ZNF469: variants seen among roughly 807,000 people sequenced by gnomAD.
ZNF469 encodes zinc finger protein 469.
ZNF469 carries 1 observed loss-of-function variant against 1.0 expected under a neutral mutation model. That is an observed-to-expected ratio of 1.00 (90% confidence interval 0.35 to 4.73). ZNF469 has a LOEUF of 4.73. Ranked by LOEUF, ZNF469 falls within the 30% of genes most tolerant of loss-of-function variation. The probability of loss-of-function intolerance (pLI) is 0.16; values close to 1 mark genes in which losing one functional copy is unlikely to be tolerated. For missense variants in ZNF469, 6,100 were observed against 5,356.3 expected (o/e 1.14, Z -4.33); for synonymous variants, 2,703 against 2,363.4 (o/e 1.14, Z -4.17).
At chr16:88,175,615 T>C in the ZNF469 span, among the ~76,000 whole-genome samples, 3 of 152,188 alleles carry the variant, frequency 2.0e-5, no homozygotes, top group Non-Finnish European at 4.4e-5. Flanking sequence ...AAGAAATCAC[T>C]AAGAAAATTA....
At chr16:88,326,024 G>T in the ZNF469 span, among the ~76,000 whole-genome samples, 2 of 152,244 alleles carry the variant, frequency 1.3e-5, no homozygotes, top group African/African-American at 2.4e-5. Flanking sequence ...CTCCCAGCCA[G>T]TGTGATCCTG....
the ZNF469 span, among the ~76,000 whole-genome samples, chr16:88,208,775 G>GCACACACACACA: frequency 6.3e-5 from 3 of 47,438 alleles, no homozygotes; most frequent in Non-Finnish European, 1.3e-4. Context: ...ATGCGCGTGC[G>GCACACACACACA]CGCGCACACA....
chr16:88,116,297 C>A, the ZNF469 span, among the ~76,000 whole-genome samples: 1 of 152,156 alleles, frequency 6.6e-6, no homozygotes, highest in Non-Finnish European at 1.5e-5. Context: ...TGAGGACGGC[C>A]AGCACAGAAC....
At chr16:88,170,777 C>T in the ZNF469 span, among the ~76,000 whole-genome samples, 2 of 152,160 alleles carry the variant, frequency 1.3e-5, no homozygotes, top group Admixed American at 1.3e-4. The surrounding 1 kb of genome is among the most constrained non-coding windows in gnomAD (Gnocchi z 4.2). Flanking sequence ...TGCATAGGTA[C>T]CCGTTGATGG....
At chr16:88,106,894 G>A in the ZNF469 span, among the ~76,000 whole-genome samples, 2 of 150,898 alleles carry the variant, frequency 1.3e-5, no homozygotes, top group South Asian at 4.1e-4. Flanking sequence ...TGGCAGCAAC[G>A]CCAGCCTCTC....
At chr16:88,363,056 CT>C in the ZNF469 span, among the ~76,000 whole-genome samples, 1 of 152,030 alleles carries the variant, frequency 6.6e-6, no homozygotes, top group Admixed American at 6.6e-5. Context: ...TACTTGTTTC[CT>C]TTTTATAGTT....
the ZNF469 span, among the ~76,000 whole-genome samples, chr16:88,266,507 A>G: frequency 6.6e-6 from 1 of 152,214 alleles, no homozygotes; most frequent in South Asian, 2.1e-4. Flanking sequence ...GTAGAGGCGA[A>G]TTTCCAAGTT....
chr16:88,267,115 C>T, the ZNF469 span, among the ~76,000 whole-genome samples: 2 of 152,316 alleles, frequency 1.3e-5, no homozygotes, highest in East Asian at 1.9e-4. Flanking sequence ...CCCTGCGGCT[C>T]ACACTGGCTG....
chr16:88,167,223 G>A, the ZNF469 span, among the ~76,000 whole-genome samples: 14 of 151,920 alleles, frequency 9.2e-5, no homozygotes, highest in Non-Finnish European at 1.9e-4. Context: ...CACCGTGCCC[G>A]GCTAATTTTT....
At position 88,430,573 on chromosome 16, in the gene ZNF469, G is replaced by T. The variant is rs941459001; in HGVS notation, c.3103G>T (p.Asp1035Tyr). ...GCGCCGCCGGCTGCCCCCCAGGAAG[G>T]ACCCCAGGAAGAGGAAGGCTCGGGG... is the stretch of plus-strand genomic sequence containing the variant. ...SRRRRLPPRK[D>Y]PRKRKARGGA... Residue 1035 changes from aspartate (D) to tyrosine (Y), a missense_variant, in exon 3 of 3, where the codon GAC (aspartate) becomes TAC (tyrosine). Physicochemically the swap from Asp to Tyr is radical, Grantham distance 160 (BLOSUM62 -3). Coordinates refer to ENST00000565624, the MANE Select transcript of ZNF469 (RefSeq NM_001367624.2). 4 of 1,492,600 alleles carry T rather than the reference G, an allele frequency of 2.7e-6. No individual in the cohort carries two copies. The highest frequency in any genetic ancestry group is 2.9e-5 in the African/African-American group (2 of 68,636). 92.5% of individuals were successfully genotyped at this position (1,492,600 alleles called of 1,614,324 possible). A position where few individuals can be genotyped will look rare whatever the true frequency, so the allele number is the denominator to read the frequency against.
At chr16:88,247,540 ATGAG>A in the ZNF469 span, among the ~76,000 whole-genome samples, 4 of 107,094 alleles carry the variant, frequency 3.7e-5, no homozygotes, top group African/African-American at 5.5e-5. Context: ...GAGTGAGTGA[ATGAG>A]TGAATGAATG....
chr16:88,163,725 G>A, the ZNF469 span, among the ~76,000 whole-genome samples: 1 of 151,470 alleles, frequency 6.6e-6, no homozygotes, highest in Non-Finnish European at 1.5e-5. Context: ...GAATGGATGG[G>A]TGGATAGATG....
the ZNF469 span, among the ~76,000 whole-genome samples, chr16:88,364,171 T>A: frequency 6.6e-6 from 1 of 152,188 alleles, no homozygotes; most frequent in South Asian, 2.1e-4. Context: ...TTAAGCAGGG[T>A]TCAACATTCA....
the ZNF469 span, among the ~76,000 whole-genome samples, chr16:88,241,994 C>T: frequency 1.6e-4 from 24 of 152,298 alleles, 1 homozygote; most frequent in Admixed American, 1.3e-3. The surrounding 1 kb of genome is among the most constrained non-coding windows in gnomAD (Gnocchi z 4.8). Context: ...GAAGGGGGTT[C>T]ATGCCGTACC....
At chr16:88,317,781 C>A in the ZNF469 span, among the ~76,000 whole-genome samples, 3 of 152,212 alleles carry the variant, frequency 2.0e-5, no homozygotes, top group Non-Finnish European at 4.4e-5. Context: ...CAGGAACCTT[C>A]CAGAAATTCC....
At chr16:88,380,060 TACTC>T (rs377631354), upstream of ZNF469, among the ~76,000 whole-genome samples, 74 of 151,502 alleles carry the variant, frequency 4.9e-4, no homozygotes, top group East Asian at 3.1e-3. Flanking sequence ...CACACACACA[TACTC>T]ACACACAGAC....
At chr16:88,151,327 G>A in the ZNF469 span, among the ~76,000 whole-genome samples, 1 of 152,260 alleles carries the variant, frequency 6.6e-6, no homozygotes, top group African/African-American at 2.4e-5. This position sits in a 1 kb window ranked among gnomAD's most constrained non-coding sequence, Gnocchi z 5.4. Context: ...TGGTCAGCCA[G>A]CCTGATGTGT....
the ZNF469 span, among the ~76,000 whole-genome samples, chr16:88,284,361 C>T: frequency 1.1e-3 from 160 of 152,274 alleles, no homozygotes; most frequent in Non-Finnish European, 2.0e-3. Context: ...ATGGTCTCTT[C>T]GACCGAGGGA....
the ZNF469 span, among the ~76,000 whole-genome samples, chr16:88,262,521 A>T: frequency 6.6e-6 from 1 of 152,168 alleles, no homozygotes; most frequent in Non-Finnish European, 1.5e-5. This position sits in a 1 kb window ranked among gnomAD's most constrained non-coding sequence, Gnocchi z 4.3. Flanking sequence ...GGGCCCTTCC[A>T]TGGGGCTGTC....
Sources: gnomAD v4.1 joint callset for allele counts (sites outside exome capture counted in the v4.1 genomes callset) on GRCh38, gnomAD v4.1.1 for gene constraint, Gnocchi (gnomAD v3.1) non-coding constraint, MANE v1.5 for transcripts, NCBI Gene and HGNC (gene_info 2026-07-23, HGNC 2026-07-21) for gene names.